ATXN2L: variants seen among roughly 807,000 people sequenced by gnomAD.
The protein encoded by ATXN2L is ataxin 2 like, also known as ataxin-2-like protein.
A neutral mutation model predicts 120.7 loss-of-function variants in ATXN2L; 24 were observed. The observed-to-expected ratio is 0.20, with a 90% confidence interval of 0.14 to 0.28. ATXN2L has a LOEUF of 0.28. Among genes scored for constraint, ATXN2L ranks in the 10% least tolerant of loss-of-function variants. The probability of loss-of-function intolerance (pLI) is 1.00; values close to 1 mark genes in which losing one functional copy is unlikely to be tolerated. For missense variants in ATXN2L, 1,312 were observed against 1,432.3 expected (o/e 0.92, Z 1.36); for synonymous variants, 653 against 568.1 (o/e 1.15, Z -2.13).
chr16:28,831,944 A>G (rs2054622701), intron 10 of ATXN2L, among the ~76,000 whole-genome samples: 1 of 152,208 alleles, frequency 6.6e-6, no homozygotes. Flanking sequence ...ATTACAGGAA[A>G]TTCTGTCAAC....
chr16:28,830,529 G>A (rs888894481), intron 8 of ATXN2L, 86 bp from the exon 9 acceptor site: 1 of 1,330,010 alleles, frequency 7.5e-7, no homozygotes, highest in East Asian at 2.4e-5. Flanking sequence ...GGGGCAGAAG[G>A]GGGAGACTTT....
chr16:28,828,876 C>T (rs1208477026), intron 6 of ATXN2L, among the ~76,000 whole-genome samples: 1 of 152,108 alleles, frequency 6.6e-6, no homozygotes, highest in Non-Finnish European at 1.5e-5. Flanking sequence ...CTGCCTCAGC[C>T]AGGACTGCAG....
Position 28,834,713 on chromosome 16 carries a change from G to T in ATXN2L, c.2433+20G>T. On this transcript the variant is annotated intron_variant, in intron 18 of 21. Transcript: ENST00000336783. Reference sequence around the variant, plus strand: ...TCACAGGTGACTGCGGCCCAGGAGGGCAGTGAGGATCCAGGGCCCCTGCTA... The same window carrying T: ...TCACAGGTGACTGCGGCCCAGGAGGTCAGTGAGGATCCAGGGCCCCTGCTA... The T allele has an allele frequency of 6.3e-7, 1 of 1,592,230 alleles. No individual in the cohort carries two copies. Among genetic ancestry groups the T allele is most frequent in the Non-Finnish European group, 8.6e-7 (1 of 1,166,182 alleles).
Position 28,836,099 on chromosome 16 carries a change from A to G in ATXN2L, c.3062A>G (p.Tyr1021Cys), listed in dbSNP as rs951607718. 27 of 1,613,698 alleles carry G rather than the reference A, an allele frequency of 1.7e-5. No homozygotes were observed. Among genetic ancestry groups the G allele is most frequent in the East Asian group, 2.2e-5 (1 of 44,838 alleles). ...CTCTCAGCTTCCACACCCTCACCCT[A>G]CCCCTACATCGGACACCCCCAAGGT... is the stretch of plus-strand genomic sequence containing the variant. The part of the protein sequence containing the change: ...PALSASTPSP[Y>C]PYIGHPQGEQ... The change falls in exon 22 of 22, where the codon TAC (tyrosine) becomes TGC (cysteine). Residue 1021 changes from tyrosine (Y) to cysteine (C), a missense_variant. Coordinates refer to ENST00000336783, the MANE Select transcript of ATXN2L (RefSeq NM_007245.4).
At chr16:28,829,371 G>T in intron 6 of ATXN2L, 30 bp from the exon 7 acceptor site, 1 of 1,492,400 alleles carries the variant, frequency 6.7e-7, no homozygotes, top group East Asian at 2.3e-5. Context: ...TTTCCTGCTG[G>T]GTTTTAAAAC....
chr16:28,830,896 G>A, intron 9 of ATXN2L, 66 bp from the exon 10 acceptor site: 11 of 1,500,052 alleles, frequency 7.3e-6, no homozygotes, highest in Non-Finnish European at 9.0e-6. Context: ...CTGCATCGGT[G>A]GGAATGTAAT....
rs1031302374 is a variant in ATXN2L at position 28,829,582 on chromosome 16, C to T, written c.833+90C>T. 7 of 1,052,828 alleles carry T rather than the reference C, an allele frequency of 6.6e-6. No individual in the cohort carries two copies. The East Asian group carries it at 1.0e-4, about 15-fold the overall frequency. The allele number at this position is 1,052,828 out of a possible 1,614,324, so 65.2% of individuals were successfully genotyped here. Reference sequence around the variant, plus strand: ...TTCCAGGTAGAACATAGTTTTTGCTCATTTTTCTCTGGGTGTCCAGGGTCG... The same window carrying T: ...TTCCAGGTAGAACATAGTTTTTGCTTATTTTTCTCTGGGTGTCCAGGGTCG... On this transcript the variant is annotated intron_variant, in intron 7 of 21. Coordinates refer to ENST00000336783, the MANE Select transcript of ATXN2L (RefSeq NM_007245.4).
In ATXN2L at chr16:28,829,927, A is replaced by T; in HGVS notation, c.903A>T (p.Arg301=). 6.2e-7 allele frequency: 1 copy of T among 1,614,214 alleles called. No individual in the cohort carries two copies. Among genetic ancestry groups the T allele is most frequent in the Non-Finnish European group, 8.5e-7 (1 of 1,180,042 alleles). The change falls in exon 8 of 22, where the codon CGA becomes CGT. Residue 301 remains arginine, a synonymous_variant. Transcript: ENST00000336783. ...QRELRAAQLA[R]EIESSPQYRL... ...AGCTGCGTGCGGCCCAGTTGGCTCG[A>T]GAGATTGAATCAAGCCCCCAGTACC... is the stretch of plus-strand genomic sequence containing the variant.
In ATXN2L at chr16:28,834,567, G is replaced by GGCC; in HGVS notation, c.2313_2315dup (p.Ala774dup). On this transcript the variant is annotated inframe_insertion, in exon 18 of 22. Transcript: ENST00000336783. The stretch of plus-strand genomic sequence containing the variant: ...CAGCCTCAGCCCCGCCGATGATGCA[G>GGCC]GCCGCCGCGGCTGCTGGCCCGCCTC... The GGCC allele has an allele frequency of 6.2e-7, 1 of 1,612,596 alleles. No homozygotes were observed. Among genetic ancestry groups the GGCC allele is most frequent in the South Asian group, 1.1e-5 (1 of 91,058 alleles).
chr16:28,835,854 A>T, intron 21 of ATXN2L, 79 bp from the exon 22 acceptor site: 1 of 1,586,792 alleles, frequency 6.3e-7, no homozygotes, highest in Non-Finnish European at 8.6e-7. Flanking sequence ...CACCCTTGCC[A>T]TAGTGCTCCC....
chr16:28,834,154 A>G lies in ATXN2L; in HGVS notation c.2115A>G (p.Leu705=), dbSNP rs770825694. The part of the protein sequence containing the change: ...IPVLTAGQSG[L]YSPQYISYIP... ...TGCTGACAGCAGGCCAGAGTGGGCT[A>G]TACAGCCCCCAGTACATCTCCTACA... Residue 705 remains leucine (L), a synonymous_variant, in exon 16 of 22, where the codon CTA becomes CTG. Coordinates refer to ENST00000336783, the MANE Select transcript of ATXN2L (RefSeq NM_007245.4). 6.2e-6 allele frequency: 10 copies of G among 1,614,094 alleles called. No individual in the cohort carries two copies. The highest frequency in any genetic ancestry group is 3.3e-5 in the South Asian group (3 of 91,084).
chr16:28,831,837 A>C (rs189430544), intron 10 of ATXN2L, among the ~76,000 whole-genome samples: 39 of 152,350 alleles, frequency 2.6e-4, no homozygotes, highest in African/African-American at 8.4e-4. Context: ...GTGAGATGGC[A>C]TCACACCATT....
intron 6 of ATXN2L, among the ~76,000 whole-genome samples, chr16:28,827,544 T>C (rs2052604060): frequency 6.6e-6 from 1 of 151,832 alleles, no homozygotes; most frequent in African/African-American, 2.4e-5. Flanking sequence ...GTAGGCCCAT[T>C]TCTCTTCCCA....
intron 21 of ATXN2L, 70 bp from the exon 22 acceptor site, chr16:28,835,863 C>T: frequency 6.3e-7 from 1 of 1,575,668 alleles, no homozygotes; most frequent in Non-Finnish European, 8.6e-7. Context: ...CATAGTGCTC[C>T]CTAACTCTGG....
rs974364569 is a variant in ATXN2L, at chr16:28,829,686, G to C, written c.834-172G>C. 2.0e-5 allele frequency: 16 copies of C among 783,504 alleles called. No homozygotes were observed. In the African/African-American group the frequency reaches 2.1e-4, roughly 10 times the overall value. The allele number at this position is 783,504 out of a possible 1,614,324, so 48.5% of individuals were successfully genotyped here. A position where few individuals can be genotyped will look rare whatever the true frequency, so the allele number is the denominator to read the frequency against. ...GTCTTAAGTGCTTCTCACATTCCCA[G>C]ATAAGCCTTGGTGCTCTACCTGGGA... On this transcript the variant is annotated intron_variant, in intron 7 of 21. Coordinates refer to ENST00000336783, the MANE Select transcript of ATXN2L (RefSeq NM_007245.4).
rs765799433 is a variant in ATXN2L, at chr16:28,836,047, G to A, written c.3010G>A (p.Ala1004Thr). 26 of 1,600,236 alleles carry A rather than the reference G, an allele frequency of 1.6e-5. No individual in the cohort carries two copies. Among genetic ancestry groups the A allele is most frequent in the Admixed American group, 6.8e-5 (4 of 58,434 alleles). Residue 1004 changes from alanine (A) to threonine (T), a missense_variant, in exon 22 of 22, where the codon GCG becomes ACG. Transcript: ENST00000336783. ...GAGTCATGGGGGGCCCCCCCAAGGC[G>A]CGGTGCCCCAGAGTGGGGTGCCTGC... ...PQSHGGPPQG[A>T]VPQSGVPALS...
chr16:28,834,699 T>C lies in ATXN2L; in HGVS notation c.2433+6T>C. 5.0e-6 allele frequency: 8 copies of C among 1,604,758 alleles called. No homozygotes were observed. The highest frequency in any genetic ancestry group is 6.8e-6 in the Non-Finnish European group (8 of 1,173,768). ...TGGCCCACTACCCCTCACAGGTGAC[T>C]GCGGCCCAGGAGGGCAGTGAGGATC... On this transcript the variant is annotated splice_donor_region_variant and intron_variant, in intron 18 of 21. Transcript: ENST00000336783.
At chr16:28,835,034 C>A in intron 18 of ATXN2L, 24 bp from the exon 19 acceptor site, 1 of 1,599,514 alleles carries the variant, frequency 6.3e-7, no homozygotes, top group Non-Finnish European at 8.5e-7. Flanking sequence ...GCTGTGCCAA[C>A]CACTCCTCTC....
At position 28,835,737 on chromosome 16, in the gene ATXN2L, C is replaced by A. The variant is rs747818811; in HGVS notation, c.2874C>A (p.Thr958=). 16 of 1,614,010 alleles carry A rather than the reference C, an allele frequency of 9.9e-6. No individual in the cohort carries two copies. The Admixed American group carries it at 2.0e-4, about 20-fold the overall frequency. The stretch of plus-strand genomic sequence containing the variant: ...ACCAGCAGCTGCCCCACGGCTTCAC[C>A]AACATGGCCCATGTTACCCAGGTAA... The part of the protein sequence containing the change: ...IHHQQLPHGF[T]NMAHVTQAHV... The change falls in exon 21 of 22, where the codon ACC becomes ACA. Residue 958 remains threonine (T), a synonymous_variant. Transcript: ENST00000336783.
Sources: allele counts gnomAD v4.1 joint callset (sites outside exome capture counted in the v4.1 genomes callset), GRCh38; gene constraint gnomAD v4.1.1; transcripts MANE v1.5; gene names NCBI Gene and HGNC (gene_info 2026-07-23, HGNC 2026-07-21).